GADL1: variants seen among roughly 807,000 people sequenced by gnomAD.
GADL1 encodes acidic amino acid decarboxylase GADL1.
Under a neutral mutation model 69.5 loss-of-function variants are expected in GADL1, and 71 were observed. The observed-to-expected ratio is 1.02, with a 90% CI of 0.84 to 1.25. The LOEUF is 1.25. GADL1 is among the 50% of genes most tolerant of loss of function. The pLI is 0.00. For synonymous variants in GADL1, 254 were observed against 214.4 expected (o/e 1.18, Z -1.62); for missense variants, 737 against 631.8 (o/e 1.17, Z -1.79).
chr3:30,777,389 A>G lies in GADL1; in HGVS notation c.1392+790T>C, dbSNP rs141512333. The stretch of plus-strand genomic sequence containing the variant: ...GGAATTGCCTGATTTTAATGGTGCT[A>G]GCCCATAAGAACTTGGACTCTACAT... On this transcript the variant is annotated intron_variant, in intron 14 of 14. Coordinates refer to ENST00000282538, the MANE Select transcript of GADL1 (RefSeq NM_207359.3). Among the ~76,000 whole-genome samples the G allele has an allele frequency of 3.3e-3, 496 of 152,318 alleles. 3 individuals are homozygous for G. The highest frequency in any genetic ancestry group is 0.011 in the African/African-American group (474 of 41,576).
intron 13 of GADL1, among the ~76,000 whole-genome samples, chr3:30,781,629 G>A (rs187228935): frequency 2.5e-3 from 380 of 152,314 alleles, no homozygotes; most frequent in Admixed American, 5.1e-3. Flanking sequence ...CTAAGTTTTG[G>A]AGTTGCAAGG....
intron 12 of GADL1, chr3:30,799,503 C>T (rs956866019): frequency 6.6e-6 from 1 of 152,146 alleles, no homozygotes; most frequent in African/African-American, 2.4e-5. Context: ...ATCATTTATT[C>T]CTCCTAGGCT....
chr3:30,877,027 T>C (rs1422759852), intron 1 of GADL1, among the ~76,000 whole-genome samples: 1 of 151,892 alleles, frequency 6.6e-6, no homozygotes, highest in Non-Finnish European at 1.5e-5. Context: ...TGAATCCCAA[T>C]GGACCAGAAA....
intron 14 of GADL1, among the ~76,000 whole-genome samples, chr3:30,737,919 A>T (rs892572799): frequency 1.3e-5 from 2 of 151,834 alleles, no homozygotes; most frequent in East Asian, 3.9e-4. Context: ...TGAGCTTCAC[A>T]TTTGGTGTTT....
At chr3:30,797,255 C>A (rs984573295) in intron 12 of GADL1, among the ~76,000 whole-genome samples, 5 of 152,116 alleles carry the variant, frequency 3.3e-5, no homozygotes, top group Non-Finnish European at 7.4e-5. Context: ...TAAAGTCATG[C>A]TAGCCAACAT....
chr3:30,777,044 T>A (rs1696556456), intron 14 of GADL1, among the ~76,000 whole-genome samples: 2 of 152,174 alleles, frequency 1.3e-5, no homozygotes, highest in South Asian at 4.1e-4. Context: ...TTCAGGTACT[T>A]CTTGGTTACC....
intron 14 of GADL1, among the ~76,000 whole-genome samples, chr3:30,763,602 CAG>C (rs1310508151): frequency 6.6e-6 from 1 of 152,122 alleles, no homozygotes; most frequent in Admixed American, 6.5e-5. Flanking sequence ...TAAATATGCT[CAG>C]ACTTAGATGA....
chr3:30,733,675 T>G (rs774968672), intron 14 of GADL1, among the ~76,000 whole-genome samples: 11 of 150,060 alleles, frequency 7.3e-5, no homozygotes, highest in Non-Finnish European at 1.6e-4. Context: ...CTCCCTCTCT[T>G]GATTGCTTGC....
intron 14 of GADL1, among the ~76,000 whole-genome samples, chr3:30,768,792 C>T (rs1221290150): frequency 6.6e-6 from 1 of 152,164 alleles, no homozygotes; most frequent in Non-Finnish European, 1.5e-5. Flanking sequence ...TCTGGCAGAA[C>T]CGGATACCCT....
At chr3:30,814,631 G>A (rs1299670486) in intron 11 of GADL1, among the ~76,000 whole-genome samples, 1 of 152,104 alleles carries the variant, frequency 6.6e-6, no homozygotes, top group Non-Finnish European at 1.5e-5. Flanking sequence ...CATGCTTTAA[G>A]ACATTCCAGT....
intron 14 of GADL1, among the ~76,000 whole-genome samples, chr3:30,774,175 G>A (rs552988213): frequency 6.6e-6 from 1 of 152,288 alleles, no homozygotes; most frequent in East Asian, 1.9e-4. Flanking sequence ...ATGATTTTGA[G>A]AGGGTTGCTA....
intron 14 of GADL1, among the ~76,000 whole-genome samples, chr3:30,740,232 T>G (rs1396798666): frequency 6.6e-6 from 1 of 152,224 alleles, no homozygotes; most frequent in Non-Finnish European, 1.5e-5. Context: ...CTCTGGTATT[T>G]AAAAAGACAG....
At chr3:30,880,946 T>C (rs139804486) in intron 1 of GADL1, among the ~76,000 whole-genome samples, 28 of 152,038 alleles carry the variant, frequency 1.8e-4, no homozygotes, top group Non-Finnish European at 3.5e-4. Context: ...TTTTCAGCTG[T>C]ACTATGGACT....
chr3:30,890,250 A>G (rs1698768322), intron 1 of GADL1, among the ~76,000 whole-genome samples: 3 of 152,196 alleles, frequency 2.0e-5, no homozygotes, highest in Admixed American at 6.5e-5. Context: ...GTCACTCTAA[A>G]TCATTCATGT....
intron 12 of GADL1, among the ~76,000 whole-genome samples, chr3:30,795,446 T>TGG (rs1697012256): frequency 6.6e-6 from 1 of 152,182 alleles, no homozygotes. Context: ...CTACAACCAT[T>TGG]GGTAGCTTGC....
intron 1 of GADL1, among the ~76,000 whole-genome samples, chr3:30,882,902 T>C (rs186933716): frequency 5.9e-4 from 89 of 152,050 alleles, no homozygotes; most frequent in African/African-American, 2.0e-3. Flanking sequence ...TTTCAGTTTG[T>C]ATTTCTCTAA....
intron 2 of GADL1, among the ~76,000 whole-genome samples, chr3:30,859,508 GA>G (rs1358786241): frequency 3.3e-5 from 5 of 151,814 alleles, no homozygotes; most frequent in Non-Finnish European, 7.4e-5. Context: ...GGGGCTAGAG[GA>G]AAGGGGAGGA....
In GADL1 at chr3:30,728,269, C is replaced by T. The variant is rs150796544; in HGVS notation, c.1539G>A (p.Glu513=). Residue 513 remains glutamate (E), a synonymous_variant, in exon 15 of 15, where the codon GAG becomes GAA. Transcript: ENST00000282538. ...SREDMDFLLD[E]IDLLGKDM is the part of the protein sequence containing the mutation. ...ACATGTCTTTACCCAGTAAGTCTATCTCATCCAGGAGGAAGTCCATGTCCT... is the reference window on the plus strand; with the variant it reads ...ACATGTCTTTACCCAGTAAGTCTATTTCATCCAGGAGGAAGTCCATGTCCT... 1.9e-6 allele frequency: 3 copies of T among 1,613,838 alleles called. No individual in the cohort carries two copies. In the Admixed American group the frequency reaches 5.0e-5, roughly 27 times the overall value.
Position 30,727,966 on chromosome 3 carries a change from G to A in GADL1, c.*276C>T. On this transcript the variant is annotated 3_prime_UTR_variant, in exon 15 of 15. Transcript: ENST00000282538. ...TAAGCTTAGAATCCAGAACCTACATGGTACTTACTAAACTCTCTTCAGAGC... is the reference window on the plus strand; with the variant it reads ...TAAGCTTAGAATCCAGAACCTACATAGTACTTACTAAACTCTCTTCAGAGC... The A allele has an allele frequency of 3.6e-6, 1 of 274,360 alleles. No homozygotes were observed. The highest frequency in any genetic ancestry group is 6.5e-5 in the East Asian group (1 of 15,278). The allele number at this position is 274,360 out of a possible 1,614,324, so 17.0% of individuals were successfully genotyped here. A position where few individuals can be genotyped will look rare whatever the true frequency, so the allele number is the denominator to read the frequency against.
Sources: allele counts gnomAD v4.1 joint callset (sites outside exome capture counted in the v4.1 genomes callset), GRCh38; gene constraint gnomAD v4.1.1; transcripts MANE v1.5; gene names NCBI Gene and HGNC (gene_info 2026-07-23, HGNC 2026-07-21).